ACSM2A: variants seen among roughly 807,000 people sequenced by gnomAD.
ACSM2A encodes acyl-coenzyme A synthetase ACSM2A, mitochondrial.
ACSM2A carries 72 observed loss-of-function variants against 76.6 expected under a neutral mutation model. That is an observed-to-expected ratio of 0.94 (90% CI 0.78 to 1.14). The LOEUF (loss-of-function observed/expected upper bound fraction) is 1.14, where lower values mean the gene tolerates loss of function less well. ACSM2A is among the 50% of genes most tolerant of loss of function. The pLI is 0.00. For synonymous variants in ACSM2A, 249 were observed against 255.9 expected (o/e 0.97, Z 0.26); for missense variants, 684 against 708.5 (o/e 0.97, Z 0.39).
chr16:20,473,006 C>T (rs551874275), intron 6 of ACSM2A, among the ~76,000 whole-genome samples: 1 of 152,248 alleles, frequency 6.6e-6, no homozygotes, highest in South Asian at 2.1e-4. Context: ...CAGACTGCAG[C>T]TATGCATTAT....
chr16:20,471,187 C>G lies in ACSM2A; in HGVS notation c.711C>G (p.Ser237Arg). 1 of 1,611,350 alleles carries G rather than the reference C, an allele frequency of 6.2e-7. No individual in the cohort carries two copies. The highest frequency in any genetic ancestry group is 8.5e-7 in the Non-Finnish European group (1 of 1,178,078). Reference protein sequence around the residue: ...LPKMAEHSYSSLGLKAKMDAG... With the variant: ...LPKMAEHSYSRLGLKAKMDAG... ...AGATGGCAGAACATTCCTACTCGAGCCTGGGCCTCAAGGCCAAGATGGATG... is the reference window on the plus strand; with the variant it reads ...AGATGGCAGAACATTCCTACTCGAGGCTGGGCCTCAAGGCCAAGATGGATG... The change falls in exon 5 of 14, where the codon AGC becomes AGG. Residue 237 changes from serine to arginine, a missense_variant. Physicochemically the swap from Ser to Arg is moderately radical, Grantham distance 110. Around this residue, in one of 3 missense-constraint regions of ACSM2A, gnomAD observed 519 missense variants for 549.5 expected, o/e 0.94. Coordinates refer to ENST00000573854, the MANE Select transcript of ACSM2A (RefSeq NM_001308172.2).
chr16:20,468,524 T>A (rs2013153415), intron 3 of ACSM2A, among the ~76,000 whole-genome samples: 1 of 152,188 alleles, frequency 6.6e-6, no homozygotes, highest in African/African-American at 2.4e-5. Flanking sequence ...CAAGCCCAGA[T>A]AATTTTTGTA....
At chr16:20,461,749 A>G (rs1353345668) in intron 2 of ACSM2A, among the ~76,000 whole-genome samples, 1 of 152,188 alleles carries the variant, frequency 6.6e-6, no homozygotes, top group Non-Finnish European at 1.5e-5. Flanking sequence ...AATTTTGCTG[A>G]AATAACTTTT....
intron 4 of ACSM2A, 83 bp downstream of exon 4, chr16:20,469,802 G>C: frequency 1.0e-5 from 16 of 1,587,468 alleles, no homozygotes; most frequent in Non-Finnish European, 1.4e-5. Context: ...CTTTATTGAG[G>C]AGGTGCAGAA....
intron 3 of ACSM2A, among the ~76,000 whole-genome samples, chr16:20,466,306 C>T (rs2012993654): frequency 6.6e-6 from 1 of 152,100 alleles, no homozygotes; most frequent in South Asian, 2.1e-4. Flanking sequence ...AACTAAGTCT[C>T]AATGGAAGTG....
In ACSM2A at chr16:20,483,096, G is replaced by T; in HGVS notation, c.1548G>T (p.Leu516=). The T allele has an allele frequency of 6.2e-7, 1 of 1,614,000 alleles. No homozygotes were observed. The highest frequency in any genetic ancestry group is 8.5e-7 in the Non-Finnish European group (1 of 1,179,964). Reference sequence around the variant, plus strand: ...TTGTGGTCCTGGCCTCGCAGTTCCTGTCCCATGACCCAGAACAGCTCACCA... The same window carrying T: ...TTGTGGTCCTGGCCTCGCAGTTCCTTTCCCATGACCCAGAACAGCTCACCA... ...KAFVVLASQF[L]SHDPEQLTKE... The change falls in exon 13 of 14, where the codon CTG becomes CTT. Residue 516 remains leucine (L), a synonymous_variant. Transcript: ENST00000573854.
In ACSM2A at chr16:20,486,666, C is replaced by T. The variant is rs772228527; in HGVS notation, c.1722C>T (p.Ala574=). 6.2e-7 allele frequency: 1 copy of T among 1,614,122 alleles called. No individual in the cohort carries two copies. The highest frequency in any genetic ancestry group is 1.1e-5 in the South Asian group (1 of 91,070). ...AGGAGTGGAAGATGTCCGGAAAAGC[C>T]CGTGCGCAGTGAGACATCTAAGAGA... ...RDKEWKMSGK[A]RAQ is the part of the protein sequence containing the mutation. The change falls in exon 14 of 14, where the codon GCC becomes GCT. Residue 574 remains alanine (A), a synonymous_variant. Coordinates refer to ENST00000573854, the MANE Select transcript of ACSM2A (RefSeq NM_001308172.2).
intron 9 of ACSM2A, among the ~76,000 whole-genome samples, chr16:20,477,780 T>C (rs2013837494): frequency 6.6e-6 from 1 of 152,228 alleles, no homozygotes; most frequent in African/African-American, 2.4e-5. Context: ...CATTTAACAA[T>C]TTAGGTAAGG....
intron 6 of ACSM2A, among the ~76,000 whole-genome samples, chr16:20,475,114 A>C (rs2013654436): frequency 6.6e-6 from 1 of 152,194 alleles, no homozygotes; most frequent in Non-Finnish European, 1.5e-5. Context: ...CCAGGATTTG[A>C]CAAAAATGTT....
intron 9 of ACSM2A, 119 bp from the exon 10 acceptor site, chr16:20,478,457 G>A (rs1333538354): frequency 6.7e-6 from 8 of 1,190,344 alleles, no homozygotes; most frequent in Non-Finnish European, 9.2e-6. Flanking sequence ...TCTGGTTGTT[G>A]TTTTCAGTCT....
rs559349049 is a variant in ACSM2A, at chr16:20,474,227, CAG to C, written c.895-1132_895-1131del. The C allele has an allele frequency of 1.7e-3, 470 of 273,332 alleles. 4 individuals are homozygous for C. Among genetic ancestry groups the C allele is most frequent in the African/African-American group, 0.01 (441 of 43,154 alleles). 16.9% of individuals were successfully genotyped at this position (273,332 alleles called of 1,614,324 possible). A position where few individuals can be genotyped will look rare whatever the true frequency, so the allele number is the denominator to read the frequency against. On this transcript the variant is annotated intron_variant, in intron 6 of 13. Transcript: ENST00000573854. ...AGAATAAATCTCTTCAAATGTTTTA[CAG>C]AGTTTGGCTCCTTTCATCAACAAAC...
rs548703356 is a variant in ACSM2A at position 20,459,898 on chromosome 16, G to C, written c.-8-209G>C. 3.3e-4 allele frequency among the ~76,000 whole-genome samples: 50 copies of C among 152,246 alleles called. 2 individuals carry two copies. The South Asian group carries it at 6.6e-3, about 20-fold the overall frequency. On this transcript the variant is annotated intron_variant, in intron 1 of 13. Transcript: ENST00000573854. ...GAAGTGTTGAAGATGTGGGATCTAG[G>C]ACTGGGTCTGTATCCTCTTATGCCT...
intron 4 of ACSM2A, chr16:20,470,701 G>A (rs2013334742): frequency 2.3e-6 from 1 of 438,154 alleles, no homozygotes; most frequent in Non-Finnish European, 4.5e-6. Flanking sequence ...TTGGTGTCAT[G>A]CCAGAGCTCT....
At chr16:20,483,725 T>G (rs1230006934) in intron 13 of ACSM2A, among the ~76,000 whole-genome samples, 2 of 152,098 alleles carry the variant, frequency 1.3e-5, no homozygotes, top group Admixed American at 6.5e-5. Context: ...TTCTAGCCAG[T>G]ATCTTACCTG....
intron 4 of ACSM2A, among the ~76,000 whole-genome samples, chr16:20,470,147 A>T (rs1329894127): frequency 1.3e-5 from 2 of 152,120 alleles, no homozygotes; most frequent in Non-Finnish European, 2.9e-5. Flanking sequence ...AAAGTGAATC[A>T]CTTGTGATGC....
At chr16:20,456,558 T>C (rs2012167549) in intron 1 of ACSM2A, among the ~76,000 whole-genome samples, 1 of 151,756 alleles carries the variant, frequency 6.6e-6, no homozygotes, top group Non-Finnish European at 1.5e-5. Context: ...GATCATTGGA[T>C]CAACAATGAA....
chr16:20,478,545 C>T (rs1489436175), intron 9 of ACSM2A, 31 bp from the exon 10 acceptor site: 1 of 1,607,988 alleles, frequency 6.2e-7, no homozygotes. Flanking sequence ...CTGCTGTGTG[C>T]ATCATTCTTC....
chr16:20,482,331 A>T (rs1462801857), intron 12 of ACSM2A: 1 of 152,070 alleles, frequency 6.6e-6, no homozygotes, highest in Non-Finnish European at 1.5e-5. Context: ...GAGCCAAAGG[A>T]CAGAGCCCGT....
chr16:20,482,962 A>T lies in ACSM2A; in HGVS notation c.1510-96A>T, dbSNP rs1014052000. On this transcript the variant is annotated intron_variant, in intron 12 of 13. Transcript: ENST00000573854. ...TCACCGGGGGTGCAAATGAGGAGAT[A>T]CAAGGGTGATGGAAGTCTTAATGCC... 3.9e-6 allele frequency: 6 copies of T among 1,547,672 alleles called. No individual in the cohort carries two copies. In the East Asian group the frequency reaches 7.0e-5, roughly 18 times the overall value.
Sources: gnomAD v4.1 joint callset for allele counts (sites outside exome capture counted in the v4.1 genomes callset) on GRCh38, gnomAD v4.1.1 for gene constraint, gnomAD v4.1.1 regional missense constraint, MANE v1.5 for transcripts, NCBI Gene and HGNC (gene_info 2026-07-23, HGNC 2026-07-21) for gene names.